Variants in MYO3A observed in about 807,000 individuals in gnomAD.
The protein encoded by MYO3A is myosin IIIA.
MYO3A carries 180 observed loss-of-function variants against 192.7 expected under a neutral mutation model. The ratio of observed to expected loss-of-function variants is 0.93; its 90% CI spans 0.83 to 1.06. MYO3A has a LOEUF of 1.06. MYO3A is among the 50% of genes least tolerant of loss of function. MYO3A has a pLI of 0.00. For missense variants in MYO3A, 1,896 were observed against 1,905.0 expected, an observed-to-expected ratio of 1.00 and a Z score of 0.09; for synonymous variants, 628 against 645.3, an observed-to-expected ratio of 0.97 and a Z score of 0.41.
At chr10:26,152,954 A>T (rs1840886488) in intron 23 of MYO3A, among the ~76,000 whole-genome samples, 2 of 152,236 alleles carry the variant, frequency 1.3e-5, no homozygotes, top group Admixed American at 1.3e-4. Flanking sequence ...AAAGAATGGG[A>T]AAGGTTTGCC....
chr10:26,161,229 T>C (rs1313003270), intron 26 of MYO3A, among the ~76,000 whole-genome samples: 3 of 152,214 alleles, frequency 2.0e-5, no homozygotes, highest in African/African-American at 7.2e-5. Context: ...GGGGTGTAAA[T>C]AGAACTGCTA....
At chr10:26,196,753 G>A (rs150456994) in intron 32 of MYO3A, among the ~76,000 whole-genome samples, 117 of 151,904 alleles carry the variant, frequency 7.7e-4, no homozygotes, top group African/African-American at 2.7e-3. Context: ...ATGACCCAGG[G>A]TCACTTAAGT....
At chr10:26,044,872 A>G (rs1363366981) in intron 10 of MYO3A, among the ~76,000 whole-genome samples, 1 of 152,236 alleles carries the variant, frequency 6.6e-6, no homozygotes, top group Admixed American at 6.5e-5. Context: ...CACATAACAT[A>G]TAGAATATAA....
At chr10:26,102,936 A>G (rs1227629562) in intron 17 of MYO3A, among the ~76,000 whole-genome samples, 1 of 152,214 alleles carries the variant, frequency 6.6e-6, no homozygotes, top group African/African-American at 2.4e-5. Context: ...GCTGTCAGAC[A>G]GGGACGTTTA....
At chr10:26,202,381 CTG>C (rs2132210506) in intron 33 of MYO3A, among the ~76,000 whole-genome samples, 1 of 152,344 alleles carries the variant, frequency 6.6e-6, no homozygotes, top group African/African-American at 2.4e-5. Context: ...AGGAACCAGA[CTG>C]TGCCCTGAGT....
At chr10:26,108,791 G>A (rs1347124986) in intron 17 of MYO3A, among the ~76,000 whole-genome samples, 1 of 152,174 alleles carries the variant, frequency 6.6e-6, no homozygotes, top group Admixed American at 6.5e-5. Context: ...AGGAGGTGGG[G>A]ACTGGGGAAT....
At chr10:26,183,307 G>A (rs571532619) in intron 31 of MYO3A, among the ~76,000 whole-genome samples, 28 of 152,260 alleles carry the variant, frequency 1.8e-4, no homozygotes, top group Admixed American at 1.5e-3. Context: ...GGCGGATCAC[G>A]AGGTCAGGAG....
At chr10:26,101,521 G>A (rs1837449993) in intron 17 of MYO3A, among the ~76,000 whole-genome samples, 1 of 152,148 alleles carries the variant, frequency 6.6e-6, no homozygotes, top group Non-Finnish European at 1.5e-5. Flanking sequence ...GCATGTTTTT[G>A]CAGTGGCTGG....
chr10:26,107,500 A>T (rs1837891675), intron 17 of MYO3A, among the ~76,000 whole-genome samples: 1 of 151,304 alleles, frequency 6.6e-6, no homozygotes, highest in Admixed American at 6.6e-5. Context: ...AAAAAAAAAA[A>T]GATTAGGGTA....
chr10:26,171,803 G>A (rs1842059332), intron 29 of MYO3A, among the ~76,000 whole-genome samples: 1 of 152,150 alleles, frequency 6.6e-6, no homozygotes, highest in Non-Finnish European at 1.5e-5. Context: ...GCAAATCGAA[G>A]AAAGATGGAC....
At chr10:25,982,926 T>C (rs1436671135) in intron 4 of MYO3A, among the ~76,000 whole-genome samples, 1 of 151,956 alleles carries the variant, frequency 6.6e-6, no homozygotes, top group East Asian at 1.9e-4. Context: ...ACACGAGCAA[T>C]GAACCCAAAC....
chr10:26,147,621 C>T (rs1286303434), intron 23 of MYO3A, 62 bp downstream of exon 23: 12 of 1,607,392 alleles, frequency 7.5e-6, no homozygotes, highest in Middle Eastern at 1.7e-4. Context: ...TCTATCTCTG[C>T]GCTTTTCACT....
intron 2 of MYO3A, among the ~76,000 whole-genome samples, chr10:25,948,654 T>A (rs1280409300): frequency 2.0e-5 from 3 of 152,168 alleles, no homozygotes; most frequent in Admixed American, 2.0e-4. Context: ...TAATTAGTTG[T>A]TTACTAGCTG....
intron 10 of MYO3A, among the ~76,000 whole-genome samples, chr10:26,027,526 G>A (rs1437386717): frequency 6.6e-6 from 1 of 151,986 alleles, no homozygotes; most frequent in African/African-American, 2.4e-5. Flanking sequence ...TGTATTTTTA[G>A]TATAGACGAG....
At chr10:26,201,222 A>C in intron 32 of MYO3A, 43 bp from the exon 33 acceptor site, 4 of 1,144,998 alleles carry the variant, frequency 3.5e-6, no homozygotes, top group Non-Finnish European at 4.9e-6. Context: ...TTATATTAAG[A>C]TCATAATATT....
chr10:26,170,637 G>C (rs1017911592), intron 29 of MYO3A, 98 bp downstream of exon 29: 2 of 1,336,592 alleles, frequency 1.5e-6, no homozygotes, highest in South Asian at 1.3e-5. Flanking sequence ...TACTAGTCAG[G>C]TTCCTGATAC....
At chr10:26,131,078 G>T (rs145380072) in intron 20 of MYO3A, among the ~76,000 whole-genome samples, 3 of 152,152 alleles carry the variant, frequency 2.0e-5, no homozygotes, top group African/African-American at 7.2e-5. Context: ...GATCCGGCCA[G>T]ATCTCGGCAC....
At chr10:26,151,889 A>G (rs1327894221) in intron 23 of MYO3A, among the ~76,000 whole-genome samples, 2 of 152,334 alleles carry the variant, frequency 1.3e-5, no homozygotes, top group African/African-American at 4.8e-5. Context: ...CGCACAATGT[A>G]TGAAACCTGT....
chr10:26,178,818 T>TTTC (rs1842460629), intron 31 of MYO3A, among the ~76,000 whole-genome samples: 5 of 151,414 alleles, frequency 3.3e-5, no homozygotes, highest in Non-Finnish European at 7.4e-5. Flanking sequence ...TTATTTATTT[T>TTTC]TGAGACAGAG....
Sources: gnomAD v4.1 joint callset for allele counts (sites outside exome capture counted in the v4.1 genomes callset) on GRCh38, gnomAD v4.1.1 for gene constraint, MANE v1.5 for transcripts, NCBI Gene and HGNC (gene_info 2026-07-23, HGNC 2026-07-21) for gene names.